Variants in KDM6A observed in about 807,000 individuals in gnomAD.
KDM6A encodes lysine demethylase 6A.
Under a neutral mutation model 117.6 loss-of-function variants are expected in KDM6A, and 11 were observed. The ratio of observed to expected loss-of-function variants is 0.09; its 90% confidence interval spans 0.06 to 0.15. The LOEUF (loss-of-function observed/expected upper bound fraction) is 0.15. KDM6A is among the 10% of genes least tolerant of loss of function. The pLI is 1.00. For missense variants in KDM6A, 799 were observed against 1,077.3 expected (o/e 0.74, Z 3.62); for synonymous variants, 384 against 396.1 (o/e 0.97, Z 0.36).
chrX:45,078,611 T>C, intron 20 of KDM6A, 106 bp downstream of exon 20: 2 of 656,293 alleles, frequency 3.0e-6, no homozygotes, highest in Non-Finnish European at 4.5e-6. Context: ...TTTCTTTTTT[T>C]TTCTTTTTTT....
chrX:45,042,369 A>C (rs2043306230), intron 8 of KDM6A, among the ~76,000 whole-genome samples: 1 of 107,889 alleles, frequency 9.3e-6, no homozygotes, highest in African/African-American at 3.4e-5. Context: ...AACTCATGGC[A>C]AACAGTATAT....
At chrX:45,020,830 T>C (rs903864397) in intron 6 of KDM6A, 100 bp downstream of exon 6, 147 of 961,557 alleles carry the variant, frequency 1.5e-4, no homozygotes, top group Non-Finnish European at 2.1e-4. Flanking sequence ...TTGGAATTTA[T>C]ATTGGCACTT....
chrX:45,026,505 G>A (rs1322758961), intron 6 of KDM6A, among the ~76,000 whole-genome samples: 2 of 110,864 alleles, frequency 1.8e-5, no homozygotes, highest in Non-Finnish European at 3.8e-5. Flanking sequence ...TATTCATGTA[G>A]AATGCACAGA....
intron 4 of KDM6A, among the ~76,000 whole-genome samples, chrX:45,004,132 C>T (rs1228501310): frequency 1.8e-5 from 2 of 110,707 alleles, no homozygotes; most frequent in Non-Finnish European, 3.8e-5. Context: ...TTGAAGTGGC[C>T]TGTTCTTCGA....
chrX:44,981,022 A>G (rs934499046), intron 4 of KDM6A, among the ~76,000 whole-genome samples: 2 of 110,937 alleles, frequency 1.8e-5, no homozygotes, highest in African/African-American at 3.3e-5. Context: ...TAGTGTGAGG[A>G]TATAGGAAAA....
At chrX:44,979,981 T>C (rs2039808803) in intron 4 of KDM6A, among the ~76,000 whole-genome samples, 1 of 99,347 alleles carries the variant, frequency 1.0e-5, no homozygotes, top group African/African-American at 3.6e-5. Flanking sequence ...TGTATTATTT[T>C]TTTCTTTCTT....
At chrX:45,010,117 A>G (rs911904017) in intron 4 of KDM6A, among the ~76,000 whole-genome samples, 1 of 111,228 alleles carries the variant, frequency 9.0e-6, no homozygotes, top group African/African-American at 3.3e-5. Flanking sequence ...ACTAAAATAG[A>G]TTTGCTTGGT....
chrX:44,957,454 C>T (rs1352073315), intron 2 of KDM6A, among the ~76,000 whole-genome samples: 2 of 112,089 alleles, frequency 1.8e-5, no homozygotes, highest in African/African-American at 6.5e-5. Context: ...AAGCTCAAAA[C>T]TTCACCTGTC....
At chrX:44,898,432 A>G (rs2034062553) in intron 2 of KDM6A, among the ~76,000 whole-genome samples, 1 of 111,785 alleles carries the variant, frequency 8.9e-6, no homozygotes, top group Admixed American at 9.5e-5. Flanking sequence ...GACTGACTCT[A>G]ACTCACATCT....
At chrX:45,011,079 T>C (rs1375659332) in intron 5 of KDM6A, 60 bp downstream of exon 5, 3 of 875,296 alleles carry the variant, frequency 3.4e-6, no homozygotes, top group Non-Finnish European at 1.7e-6. Flanking sequence ...TTTGCTTGTT[T>C]TGTTTGTGCT....
At chrX:44,957,830 T>G (rs1226151877) in intron 2 of KDM6A, among the ~76,000 whole-genome samples, 5 of 112,123 alleles carry the variant, frequency 4.5e-5, no homozygotes, top group African/African-American at 1.6e-4. Context: ...TTCCTAATAT[T>G]TAGTATACGG....
intron 4 of KDM6A, among the ~76,000 whole-genome samples, chrX:44,996,551 A>G (rs1180478235): frequency 9.1e-6 from 1 of 110,107 alleles, no homozygotes. Flanking sequence ...CTTCTGCTTC[A>G]GTGTTGTGAT....
chrX:45,101,228 G>A (rs2046329215), intron 27 of KDM6A, among the ~76,000 whole-genome samples: 1 of 111,164 alleles, frequency 9.0e-6, no homozygotes. Context: ...TTTATTGGCT[G>A]GGGAACTGCG....
At chrX:44,892,248 G>C (rs180929641) in intron 2 of KDM6A, among the ~76,000 whole-genome samples, 26 of 112,214 alleles carry the variant, frequency 2.3e-4, no homozygotes, top group Admixed American at 1.6e-3. Context: ...GTTTGTCTAT[G>C]TCTACATAAA....
intron 2 of KDM6A, among the ~76,000 whole-genome samples, chrX:44,950,755 T>C (rs770088497): frequency 2.7e-3 from 306 of 111,605 alleles, no homozygotes; most frequent in Middle Eastern, 9.3e-3. Context: ...TTCTTTGCTG[T>C]GGGATATGAT....
At chrX:45,020,222 C>T (rs2042120017) in intron 5 of KDM6A, among the ~76,000 whole-genome samples, 1 of 111,277 alleles carries the variant, frequency 9.0e-6, no homozygotes, top group African/African-American at 3.3e-5. Context: ...TAGAGTAGAC[C>T]AGAAACAAGA....
intron 2 of KDM6A, among the ~76,000 whole-genome samples, chrX:44,899,685 T>C (rs2034204832): frequency 3.6e-5 from 4 of 111,342 alleles, no homozygotes; most frequent in African/African-American, 1.3e-4. Flanking sequence ...GGAAATCTGC[T>C]GCTTTCTTTC....
intron 2 of KDM6A, among the ~76,000 whole-genome samples, chrX:44,883,056 A>G (rs1485327164): frequency 3.9e-5 from 4 of 103,329 alleles, no homozygotes; most frequent in Non-Finnish European, 7.7e-5. Context: ...CACATTTTGG[A>G]GCAGTTAAGT....
chrX:44,894,740 G>A (rs1316319592), intron 2 of KDM6A, among the ~76,000 whole-genome samples: 1 of 105,101 alleles, frequency 9.5e-6, no homozygotes, highest in Non-Finnish European at 2.0e-5. Context: ...CTCAGCCCCC[G>A]AGTAGCTGGG....
Sources: allele counts gnomAD v4.1 joint callset (sites outside exome capture counted in the v4.1 genomes callset), GRCh38; gene constraint gnomAD v4.1.1; transcripts MANE v1.5; gene names NCBI Gene and HGNC (gene_info 2026-07-23, HGNC 2026-07-21).